The following MYO9A variants were observed in gnomAD, a reference collection of about 807,000 sequenced individuals.
The protein encoded by MYO9A is myosin IXA.
A neutral mutation model predicts 293.3 loss-of-function variants in MYO9A; 103 were observed. The ratio of observed to expected loss-of-function variants is 0.35; its 90% CI spans 0.30 to 0.41. MYO9A has a LOEUF of 0.41. Ranked by LOEUF, MYO9A falls within the 10% of genes least tolerant of loss-of-function variation. The pLI is 1.00. For missense variants in MYO9A, 2,685 were observed against 3,033.0 expected, an observed-to-expected ratio of 0.89 and a Z score of 2.69; for synonymous variants, 1,001 against 1,035.7, an observed-to-expected ratio of 0.97 and a Z score of 0.64.
At chr15:71,830,627 T>C (rs948345296) in intron 39 of MYO9A, among the ~76,000 whole-genome samples, 2 of 152,230 alleles carry the variant, frequency 1.3e-5, no homozygotes, top group Non-Finnish European at 2.9e-5. Flanking sequence ...TGGGTATTTA[T>C]TTTTAAATTA....
intron 1 of MYO9A, among the ~76,000 whole-genome samples, chr15:72,072,049 G>C (rs1019203185): frequency 1.0e-4 from 15 of 148,682 alleles, no homozygotes; most frequent in African/African-American, 3.7e-4. Context: ...TCCAGCCTGG[G>C]GTGACAGAGT....
At chr15:72,118,474 C>T (rs974027883), upstream of MYO9A, 1 of 152,524 alleles carries the variant, frequency 6.6e-6, no homozygotes, top group Non-Finnish European at 1.5e-5. Context: ...GGTAAGAAGC[C>T]TCCTCCCCAC....
intron 21 of MYO9A, among the ~76,000 whole-genome samples, chr15:71,903,702 A>C (rs2057548237): frequency 6.6e-6 from 1 of 152,258 alleles, no homozygotes; most frequent in Admixed American, 6.5e-5. Context: ...ATTCCGAGCA[A>C]ATGAGAATAG....
chr15:71,843,245 A>G (rs2055241200), intron 39 of MYO9A, among the ~76,000 whole-genome samples: 1 of 151,948 alleles, frequency 6.6e-6, no homozygotes, highest in African/African-American at 2.4e-5. Flanking sequence ...CCTGGCCAAC[A>G]TGGTGAAACC....
chr15:71,989,862 C>T (rs1036737473), intron 11 of MYO9A, among the ~76,000 whole-genome samples: 3 of 151,868 alleles, frequency 2.0e-5, no homozygotes, highest in Non-Finnish European at 4.4e-5. Flanking sequence ...CTTGTCTCTA[C>T]AAAAAATAAA....
intron 27 of MYO9A, 37 bp from the exon 28 acceptor site, chr15:71,883,773 A>T: frequency 6.4e-7 from 1 of 1,556,648 alleles, no homozygotes; most frequent in South Asian, 1.2e-5. Context: ...GGAAATTAAG[A>T]GTATCTCAGT....
At chr15:72,017,393 T>G (rs999923955) in intron 6 of MYO9A, among the ~76,000 whole-genome samples, 2 of 152,142 alleles carry the variant, frequency 1.3e-5, no homozygotes, top group African/African-American at 4.8e-5. Context: ...TCAGAACAGA[T>G]GATCAAGTCT....
intron 1 of MYO9A, among the ~76,000 whole-genome samples, chr15:72,091,709 CTTT>C (rs2079915927): frequency 1.4e-5 from 1 of 71,548 alleles, no homozygotes; most frequent in Non-Finnish European, 2.8e-5. Flanking sequence ...AATATATATT[CTTT>C]TTTTCTTTTT....
intron 1 of MYO9A, among the ~76,000 whole-genome samples, chr15:72,052,402 C>A (rs185832120): frequency 1.5e-4 from 23 of 152,230 alleles, no homozygotes; most frequent in African/African-American, 5.3e-4. Context: ...GCTCACCTTC[C>A]ACTTGTCCGT....
chr15:71,853,409 G>GA (rs2055736831), intron 35 of MYO9A, among the ~76,000 whole-genome samples: 1 of 152,216 alleles, frequency 6.6e-6, no homozygotes. Flanking sequence ...GATGACTGGG[G>GA]AAGATTCAGG....
chr15:71,938,689 T>G (rs1291042864), intron 16 of MYO9A, 163 bp downstream of exon 16: 1 of 492,594 alleles, frequency 2.0e-6, no homozygotes, highest in African/African-American at 2.0e-5. Flanking sequence ...TCTTGTTAAC[T>G]TTAACCTATT....
At chr15:71,923,389 G>A (rs951335775) in intron 18 of MYO9A, among the ~76,000 whole-genome samples, 1 of 152,100 alleles carries the variant, frequency 6.6e-6, no homozygotes, top group African/African-American at 2.4e-5. Context: ...AATAAATTTG[G>A]AAGAATTCTC....
At chr15:71,885,650 A>G (rs991475498) in intron 27 of MYO9A, among the ~76,000 whole-genome samples, 7 of 152,112 alleles carry the variant, frequency 4.6e-5, no homozygotes, top group African/African-American at 9.7e-5. Flanking sequence ...TCATAACAAC[A>G]TGTCTTTTGG....
At chr15:71,893,348 T>C (rs1026073495) in intron 26 of MYO9A, 2 of 438,518 alleles carry the variant, frequency 4.6e-6, no homozygotes, top group African/African-American at 4.1e-5. Flanking sequence ...AAAAGGAATC[T>C]GTATACATTA....
intron 2 of MYO9A, among the ~76,000 whole-genome samples, chr15:72,043,089 A>C (rs1000403297): frequency 1.3e-5 from 2 of 151,944 alleles, no homozygotes; most frequent in African/African-American, 4.8e-5. Context: ...CAAAAAAAAA[A>C]GGTTAATGGC....
At chr15:71,873,569 T>C (rs574319241) in intron 32 of MYO9A, among the ~76,000 whole-genome samples, 5 of 152,326 alleles carry the variant, frequency 3.3e-5, no homozygotes, top group East Asian at 3.9e-4. Flanking sequence ...ATTTGTATTA[T>C]TGAAAAATCT....
At chr15:71,832,483 AG>A (rs1448133808) in intron 39 of MYO9A, among the ~76,000 whole-genome samples, 1 of 152,254 alleles carries the variant, frequency 6.6e-6, no homozygotes, top group East Asian at 1.9e-4. Context: ...CTTGCAAAAA[AG>A]GAATAACTAT....
chr15:72,045,590 G>T (rs2078362008), intron 2 of MYO9A, 134 bp downstream of exon 2: 1 of 1,045,120 alleles, frequency 9.6e-7, no homozygotes, highest in East Asian at 2.7e-5. Flanking sequence ...GGAGCTGGGA[G>T]ATGGAACAGT....
chr15:72,101,018 A>G (rs1235150069), intron 1 of MYO9A, among the ~76,000 whole-genome samples: 98 of 100,714 alleles, frequency 9.7e-4, no homozygotes, highest in Middle Eastern at 0.014. Flanking sequence ...GGAGGGAGGT[A>G]GGCGGGTCAG....
Sources: allele counts gnomAD v4.1 joint callset (sites outside exome capture counted in the v4.1 genomes callset), GRCh38; gene constraint gnomAD v4.1.1; transcripts MANE v1.5; gene names NCBI Gene and HGNC (gene_info 2026-07-23, HGNC 2026-07-21).